The following MYO1E variants were observed in gnomAD, a reference collection of about 807,000 sequenced individuals.
MYO1E encodes myosin IE.
MYO1E carries 68 observed loss-of-function variants against 151.1 expected under a neutral mutation model. That is an observed-to-expected ratio of 0.45 (90% CI 0.37 to 0.55). MYO1E has a LOEUF of 0.55. MYO1E is among the 20% of genes least tolerant of loss of function. The probability of loss-of-function intolerance (pLI) is 0.00; values close to 1 mark genes in which losing one functional copy is unlikely to be tolerated. For missense variants in MYO1E, 1,363 were observed against 1,389.3 expected, an observed-to-expected ratio of 0.98 and a Z score of 0.30; for synonymous variants, 601 against 501.7, an observed-to-expected ratio of 1.20 and a Z score of -2.64.
rs749048335 is a variant in MYO1E at position 59,161,138 on chromosome 15, G to A, written c.2720C>T (p.Ala907Val). ...CACTTTGTTACTGGGCTTGAGGACA[G>A]CCAGGTCCCCAAACCCTTGGTGGAA... ...VQFHQGFGDL[A>V]VLKPSNKVLQ... The change falls in exon 24 of 28, where the codon GCT becomes GTT. Residue 907 changes from alanine (A) to valine (V), a missense_variant. Coordinates refer to ENST00000288235, the MANE Select transcript of MYO1E (RefSeq NM_004998.4). The A allele has an allele frequency of 5.0e-6, 8 of 1,614,102 alleles. No homozygotes were observed. The highest frequency in any genetic ancestry group is 6.8e-6 in the Non-Finnish European group (8 of 1,180,044).
intron 22 of MYO1E, 112 bp from the exon 23 acceptor site, chr15:59,163,415 G>T: frequency 1.9e-6 from 2 of 1,080,534 alleles, no homozygotes; most frequent in South Asian, 3.0e-5. Flanking sequence ...AGATTTTACA[G>T]TCTTTCTTTC....
At chr15:59,198,817 T>C in intron 16 of MYO1E, among the ~76,000 whole-genome samples, 1 of 105,936 alleles carries the variant, frequency 9.4e-6, no homozygotes. Context: ...AGGCTCCATC[T>C]CAAGAAAAAA....
In MYO1E at chr15:59,159,994, G is replaced by A. The variant is rs1367069400; in HGVS notation, c.2785+1079C>T. Among the ~76,000 whole-genome samples the A allele has an allele frequency of 6.6e-6, 1 of 151,956 alleles. No individual in the cohort carries two copies. The highest frequency in any genetic ancestry group is 1.9e-4 in the East Asian group (1 of 5,154). On this transcript the variant is annotated intron_variant, in intron 24 of 27. Transcript: ENST00000288235. This position sits in a 1 kb window ranked among gnomAD's most constrained non-coding sequence, Gnocchi z 4.4. Reference sequence around the variant, plus strand: ...CAAGTAGCTGGGACTACAGGCATACGCCACAACACCTGGCTAGTTTTTTGT... The same window carrying A: ...CAAGTAGCTGGGACTACAGGCATACACCACAACACCTGGCTAGTTTTTTGT...
intron 22 of MYO1E, among the ~76,000 whole-genome samples, chr15:59,163,958 G>C (rs1370988068): frequency 6.6e-6 from 1 of 152,228 alleles, no homozygotes; most frequent in African/African-American, 2.4e-5. Flanking sequence ...AATGAATTTT[G>C]TCAGACAAGG....
chr15:59,297,098 C>T (rs867851575), intron 1 of MYO1E, among the ~76,000 whole-genome samples: 3 of 148,308 alleles, frequency 2.0e-5, no homozygotes, highest in Non-Finnish European at 3.0e-5. Context: ...ATGATCCACT[C>T]GCCTCGGCCT....
intron 26 of MYO1E, 149 bp downstream of exon 26, chr15:59,153,441 A>G (rs1596343853): frequency 1.3e-6 from 1 of 785,468 alleles, no homozygotes. Flanking sequence ...CCACAGCCCC[A>G]CAGCCTTGGG....
chr15:59,183,688 A>G (rs2079678531), intron 18 of MYO1E, among the ~76,000 whole-genome samples: 1 of 152,168 alleles, frequency 6.6e-6, no homozygotes, highest in Non-Finnish European at 1.5e-5. Flanking sequence ...ATGAAATCCA[A>G]CTATACTCTT....
At chr15:59,284,815 C>T (rs2080377909) in intron 1 of MYO1E, among the ~76,000 whole-genome samples, 1 of 152,104 alleles carries the variant, frequency 6.6e-6, no homozygotes, top group South Asian at 2.1e-4. Context: ...GGCAATTAAT[C>T]TTCACCACAT....
chr15:59,293,742 C>G (rs1334529973), intron 1 of MYO1E, among the ~76,000 whole-genome samples: 1 of 151,950 alleles, frequency 6.6e-6, no homozygotes, highest in Non-Finnish European at 1.5e-5. Context: ...CAAAACAAAA[C>G]AAAAAACCCT....
In MYO1E at chr15:59,205,403, T is replaced by C. The variant is rs2079826900; in HGVS notation, c.1613A>G (p.Glu538Gly). The stretch of plus-strand genomic sequence containing the variant: ...AGCTATGGCAAAACATACTTACAGC[T>C]CGCTGCTCTGCATAAGCTCGATGAG... ...MDLIELMQSSELPFIKSLFPE... is the reference protein window; with the variant it reads ...MDLIELMQSSGLPFIKSLFPE... The change falls in exon 15 of 28, where the codon GAG (glutamate) becomes GGG (glycine). Residue 538 changes from glutamate to glycine, a missense_variant. Physicochemically the swap from Glu to Gly is moderately conservative, Grantham distance 98. Transcript: ENST00000288235. 1 of 1,613,930 alleles carries C rather than the reference T, an allele frequency of 6.2e-7. No individual in the cohort carries two copies. The highest frequency in any genetic ancestry group is 1.3e-5 in the African/African-American group (1 of 74,888).
intron 26 of MYO1E, among the ~76,000 whole-genome samples, chr15:59,149,855 G>A (rs776098335): frequency 3.9e-5 from 6 of 152,160 alleles, no homozygotes; most frequent in Admixed American, 2.6e-4. Context: ...TTGATGTATA[G>A]GAATTTTCAT....
intron 2 of MYO1E, among the ~76,000 whole-genome samples, chr15:59,271,880 G>A (rs1476432562): frequency 6.6e-6 from 1 of 152,234 alleles, no homozygotes; most frequent in Admixed American, 6.5e-5. Context: ...TGCATGACTA[G>A]AGCATGTCAA....
At chr15:59,321,512 C>T (rs562215368) in intron 1 of MYO1E, among the ~76,000 whole-genome samples, 6 of 152,098 alleles carry the variant, frequency 3.9e-5, no homozygotes, top group African/African-American at 4.8e-5. Context: ...TAAAGAAGAG[C>T]GAAATCATGT....
intron 3 of MYO1E, among the ~76,000 whole-genome samples, chr15:59,258,136 C>A (rs1196686580): frequency 6.6e-6 from 1 of 152,150 alleles, no homozygotes; most frequent in Non-Finnish European, 1.5e-5. Flanking sequence ...CACTTGAGGT[C>A]AGGAGTCCGA....
chr15:59,196,385 G>A (rs1345532612), intron 16 of MYO1E, among the ~76,000 whole-genome samples: 1 of 152,168 alleles, frequency 6.6e-6, no homozygotes, highest in Non-Finnish European at 1.5e-5. Flanking sequence ...CAGGAGTAGA[G>A]CTCACATCAG....
At chr15:59,333,681 T>C (rs1185852271) in intron 1 of MYO1E, among the ~76,000 whole-genome samples, 1 of 152,234 alleles carries the variant, frequency 6.6e-6, no homozygotes, top group African/African-American at 2.4e-5. Flanking sequence ...GACTTCCTAC[T>C]TCTTTCTAGA....
intron 4 of MYO1E, among the ~76,000 whole-genome samples, chr15:59,255,539 C>G (rs1347177186): frequency 2.0e-5 from 3 of 152,128 alleles, no homozygotes; most frequent in African/African-American, 7.2e-5. Flanking sequence ...GGATTAGAGG[C>G]GTGCGCCACC....
rs1443520372 is a variant in MYO1E, at chr15:59,159,317, C to T, written c.2786-938G>A. ...TCCAACACCTATTGGGCAATTTCCC[C>T]TCGGGGGCCCGCCGCACAAACATAG... On this transcript the variant is annotated intron_variant, in intron 24 of 27. Transcript: ENST00000288235. This position sits in a 1 kb window ranked among gnomAD's most constrained non-coding sequence, Gnocchi z 4.4. Among the ~76,000 whole-genome samples, 1 of 152,258 alleles carries T rather than the reference C, an allele frequency of 6.6e-6. No individual in the cohort carries two copies. Among genetic ancestry groups the T allele is most frequent in the Non-Finnish European group, 1.5e-5 (1 of 68,032 alleles).
chr15:59,211,819 C>T (rs1226587870), intron 12 of MYO1E, among the ~76,000 whole-genome samples: 6 of 152,072 alleles, frequency 3.9e-5, no homozygotes, highest in Non-Finnish European at 7.4e-5. Flanking sequence ...GATACTCCCC[C>T]TCCCCACCTA....
Sources: gnomAD v4.1 joint callset for allele counts (sites outside exome capture counted in the v4.1 genomes callset) on GRCh38, gnomAD v4.1.1 for gene constraint, Gnocchi (gnomAD v3.1) non-coding constraint, MANE v1.5 for transcripts, NCBI Gene and HGNC (gene_info 2026-07-23, HGNC 2026-07-21) for gene names.